The following FGD4 variants were observed in gnomAD, a reference collection of about 807,000 sequenced individuals.
FGD4 encodes the protein FYVE, RhoGEF and PH domain containing 4.
FGD4 carries 42 observed loss-of-function variants against 102.0 expected under a neutral mutation model. The observed-to-expected ratio is 0.41, with a 90% CI of 0.32 to 0.53. FGD4 has a LOEUF of 0.53. FGD4 is among the 20% of genes least tolerant of loss of function. The pLI, the probability that FGD4 is intolerant of heterozygous loss-of-function variation, is 0.21. For synonymous variants in FGD4, 380 were observed against 375.7 expected (o/e 1.01, Z -0.13); for missense variants, 902 against 1,078.2 (o/e 0.84, Z 2.29).
At chr12:32,458,318 A>G (rs1223315308) in intron 1 of FGD4, among the ~76,000 whole-genome samples, 1 of 151,906 alleles carries the variant, frequency 6.6e-6, no homozygotes, top group Non-Finnish European at 1.5e-5. Flanking sequence ...CTACAAGTGT[A>G]CGCCACCATG....
intron 11 of FGD4, among the ~76,000 whole-genome samples, chr12:32,623,530 C>A (rs892099206): frequency 2.6e-5 from 4 of 152,112 alleles, no homozygotes; most frequent in African/African-American, 7.2e-5. Flanking sequence ...CAGCCAGTCT[C>A]ATGCATGTTT....
intron 1 of FGD4, among the ~76,000 whole-genome samples, chr12:32,471,603 T>G (rs1179360026): frequency 1.3e-5 from 2 of 152,180 alleles, no homozygotes; most frequent in Non-Finnish European, 2.9e-5. Flanking sequence ...ACTCTAAAGC[T>G]TAGTAGCTTC....
intron 1 of FGD4, among the ~76,000 whole-genome samples, chr12:32,476,018 T>TTCTTGTTGGAATTCTTG (rs1303707217): frequency 6.6e-6 from 1 of 152,208 alleles, no homozygotes; most frequent in Non-Finnish European, 1.5e-5. Context: ...CAGTTGGCAC[T>TTCTTGTTGGAATTCTTG]TTTGACATTC....
chr12:32,530,777 G>C (rs751839719), intron 1 of FGD4, among the ~76,000 whole-genome samples: 1 of 151,904 alleles, frequency 6.6e-6, no homozygotes, highest in Non-Finnish European at 1.5e-5. Flanking sequence ...AATGTATGGG[G>C]AATTAATTAG....
At chr12:32,554,051 A>G (rs1943906012) in intron 1 of FGD4, among the ~76,000 whole-genome samples, 1 of 152,214 alleles carries the variant, frequency 6.6e-6, no homozygotes, top group African/African-American at 2.4e-5. Flanking sequence ...AGTGCACCTC[A>G]GTCTAGGTGG....
Position 32,625,025 on chromosome 12 carries a change from G to T in FGD4, c.2003G>T (p.Arg668Ile). ...DAFHQRHETF[R>I]NAIAKDNDIH... ...TTTCATCAAAGGCATGAAACCTTCA[G>T]AAATGCAATTGCAAAGGATAATGAC... Residue 668 changes from arginine (R) to isoleucine (I), a missense_variant, in exon 13 of 17, where the codon AGA (arginine) becomes ATA (isoleucine). Physicochemically the swap from Arg to Ile is moderately conservative, Grantham distance 97. This residue lies in a region of FGD4 where 459 missense variants were observed against 619.0 expected (regional missense o/e 0.74). Transcript: ENST00000534526. 6.2e-7 allele frequency: 1 copy of T among 1,613,422 alleles called. No homozygotes were observed. The highest frequency in any genetic ancestry group is 2.2e-5 in the East Asian group (1 of 44,800).
At chr12:32,629,641 C>A (rs1297493759) in intron 14 of FGD4, among the ~76,000 whole-genome samples, 1 of 152,010 alleles carries the variant, frequency 6.6e-6, no homozygotes, top group Non-Finnish European at 1.5e-5. Context: ...CTCTGTGTCT[C>A]TCTCTATAGC....
chr12:32,437,432 G>A (rs1027006694), intron 1 of FGD4, among the ~76,000 whole-genome samples: 5 of 152,172 alleles, frequency 3.3e-5, no homozygotes, highest in Non-Finnish European at 5.9e-5. Flanking sequence ...CTCCCTATAC[G>A]ATGAGCGAGG....
chr12:32,509,582 C>G (rs1371959444), intron 1 of FGD4, among the ~76,000 whole-genome samples: 2 of 152,172 alleles, frequency 1.3e-5, no homozygotes, highest in Non-Finnish European at 2.9e-5. Context: ...TCAGATGACA[C>G]TCTAAACTGA....
chr12:32,441,107 A>G (rs1019402064), intron 1 of FGD4, among the ~76,000 whole-genome samples: 2 of 152,148 alleles, frequency 1.3e-5, no homozygotes, highest in African/African-American at 4.8e-5. Context: ...GTCTGGAACC[A>G]GGGACCCCAA....
At chr12:32,601,472 T>C in intron 6 of FGD4, 49 bp downstream of exon 6, 1 of 1,561,212 alleles carries the variant, frequency 6.4e-7, no homozygotes, top group Non-Finnish European at 8.7e-7. Context: ...TCATGCTGTA[T>C]TTTTCAGCTT....
At chr12:32,565,570 G>C (rs1267831098) in intron 2 of FGD4, among the ~76,000 whole-genome samples, 7 of 152,158 alleles carry the variant, frequency 4.6e-5, no homozygotes, top group African/African-American at 1.7e-4. Context: ...TAATTTTCCT[G>C]ATCAAAGGAA....
intron 1 of FGD4, among the ~76,000 whole-genome samples, chr12:32,468,264 ATTTT>A (rs57001434): frequency 6.8e-6 from 1 of 147,834 alleles, no homozygotes; most frequent in Non-Finnish European, 1.5e-5. Flanking sequence ...TGAATGCTGT[ATTTT>A]TTTTTTTTTT....
chr12:32,439,466 C>T (rs547859373), intron 1 of FGD4, among the ~76,000 whole-genome samples: 519 of 152,288 alleles, frequency 3.4e-3, no homozygotes, highest in Non-Finnish European at 5.7e-3. Context: ...CCTTTGGATA[C>T]ATACCCAGTT....
At position 32,586,388 on chromosome 12, in the gene FGD4, T is replaced by C. The variant is rs574432788; in HGVS notation, c.1011+3921T>C. ...AGAATTGCTTAGATATTTGATATTC[T>C]AGCTTGTTTTTCTGAGCTGTTTGAA... On this transcript the variant is annotated intron_variant, in intron 4 of 16. Transcript: ENST00000534526. Among the ~76,000 whole-genome samples the C allele has an allele frequency of 2.6e-5, 4 of 152,352 alleles. No individual in the cohort carries two copies. In the East Asian group the frequency reaches 5.8e-4, roughly 22 times the overall value.
chr12:32,509,484 G>A (rs958622704), intron 1 of FGD4, among the ~76,000 whole-genome samples: 25 of 152,028 alleles, frequency 1.6e-4, no homozygotes, highest in Admixed American at 1.4e-3. Context: ...TGTACAACTA[G>A]CAATCACAGA....
chr12:32,402,296 A>G (rs2733694), intron 1 of FGD4, among the ~76,000 whole-genome samples: 82,192 of 151,220 alleles, frequency 0.54, 23,317 homozygotes, highest in African/African-American at 0.71. Context: ...CCCCTTGTGG[A>G]CTGAAGTGGG....
intron 1 of FGD4, among the ~76,000 whole-genome samples, chr12:32,445,091 G>A (rs1427563618): frequency 2.0e-5 from 3 of 152,092 alleles, no homozygotes; most frequent in African/African-American, 4.8e-5. Flanking sequence ...TGAATTAACC[G>A]TGAAAGAATG....
chr12:32,475,165 G>T (rs1015310191), intron 1 of FGD4, among the ~76,000 whole-genome samples: 3 of 152,068 alleles, frequency 2.0e-5, no homozygotes, highest in Non-Finnish European at 2.9e-5. Context: ...TAGGCTCTTG[G>T]CTGTCTTCTG....
Sources: gnomAD v4.1 joint callset for allele counts (sites outside exome capture counted in the v4.1 genomes callset) on GRCh38, gnomAD v4.1.1 for gene constraint, gnomAD v4.1.1 regional missense constraint, MANE v1.5 for transcripts, NCBI Gene and HGNC (gene_info 2026-07-23, HGNC 2026-07-21) for gene names.